The following AOAH variants were observed in gnomAD, a reference collection of about 807,000 sequenced individuals.
The protein encoded by AOAH is acyloxyacyl hydrolase (neutrophil).
A neutral mutation model predicts 92.2 loss-of-function variants in AOAH; 64 were observed. That is an observed-to-expected ratio of 0.69 (90% CI 0.57 to 0.86). The LOEUF (loss-of-function observed/expected upper bound fraction) is 0.86. Ranked by LOEUF, AOAH falls within the 40% of genes least tolerant of loss-of-function variation. The pLI, the probability that AOAH is intolerant of heterozygous loss-of-function variation, is 0.00. For missense variants in AOAH, 656 were observed against 694.6 expected (o/e 0.94, Z 0.62); for synonymous variants, 263 against 254.5 (o/e 1.03, Z -0.32).
At chr7:36,673,495 C>T (rs1796054449) in intron 3 of AOAH, among the ~76,000 whole-genome samples, 1 of 152,216 alleles carries the variant, frequency 6.6e-6, no homozygotes, top group Non-Finnish European at 1.5e-5. Context: ...CGAGATCACA[C>T]CACTGCCCTC....
At chr7:36,681,051 C>T (rs557388388) in intron 2 of AOAH, among the ~76,000 whole-genome samples, 2 of 152,186 alleles carry the variant, frequency 1.3e-5, no homozygotes, top group African/African-American at 4.8e-5. Flanking sequence ...TTTAGTCGGT[C>T]GTTCACCTTC....
intron 19 of AOAH, among the ~76,000 whole-genome samples, chr7:36,527,120 T>A (rs1784438205): frequency 6.6e-6 from 1 of 152,220 alleles, no homozygotes; most frequent in Non-Finnish European, 1.5e-5. Flanking sequence ...TGCCTCTGTT[T>A]AGTTCATAAC....
intron 19 of AOAH, among the ~76,000 whole-genome samples, chr7:36,526,629 G>C (rs1241778972): frequency 2.0e-5 from 3 of 152,208 alleles, no homozygotes; most frequent in Non-Finnish European, 2.9e-5. Context: ...TCTGGATTAA[G>C]TTTCTTGAAT....
At chr7:36,610,744 T>C (rs1026686066) in intron 11 of AOAH, among the ~76,000 whole-genome samples, 2 of 152,138 alleles carry the variant, frequency 1.3e-5, no homozygotes, top group African/African-American at 4.8e-5. Flanking sequence ...TTCCCCAATA[T>C]CTTGATTGTG....
chr7:36,640,927 G>A (rs1355995746), intron 4 of AOAH, among the ~76,000 whole-genome samples: 1 of 152,178 alleles, frequency 6.6e-6, no homozygotes, highest in Non-Finnish European at 1.5e-5. Context: ...AGGTGAGTAA[G>A]TCAGAGATTC....
At chr7:36,608,649 G>A (rs765067713) in intron 11 of AOAH, among the ~76,000 whole-genome samples, 1 of 152,192 alleles carries the variant, frequency 6.6e-6, no homozygotes. Context: ...TGGTCTGTTT[G>A]AGTCAATGTC....
chr7:36,646,130 G>T (rs1186856703), intron 4 of AOAH, among the ~76,000 whole-genome samples: 1 of 152,108 alleles, frequency 6.6e-6, no homozygotes, highest in African/African-American at 2.4e-5. Context: ...CACCATAGAG[G>T]TTCTTCTATG....
chr7:36,546,598 G>A (rs1221809572), intron 15 of AOAH, among the ~76,000 whole-genome samples: 2 of 152,344 alleles, frequency 1.3e-5, no homozygotes, highest in Middle Eastern at 3.4e-3. Flanking sequence ...GGACTGGGCT[G>A]GAGGGATCTG....
At chr7:36,673,499 T>A (rs1796054736) in intron 3 of AOAH, among the ~76,000 whole-genome samples, 1 of 152,144 alleles carries the variant, frequency 6.6e-6, no homozygotes, top group Non-Finnish European at 1.5e-5. Flanking sequence ...ATCACACCAC[T>A]GCCCTCCAGC....
At chr7:36,560,081 C>T (rs117706163) in intron 13 of AOAH, among the ~76,000 whole-genome samples, 2,561 of 152,224 alleles carry the variant, frequency 0.017, 56 homozygotes, top group Non-Finnish European at 0.028. Flanking sequence ...TGTTCTGTAC[C>T]ATTGGTCTGT....
chr7:36,649,149 A>G (rs746620081), intron 4 of AOAH, among the ~76,000 whole-genome samples: 3 of 152,188 alleles, frequency 2.0e-5, no homozygotes, highest in Non-Finnish European at 2.9e-5. Flanking sequence ...TTGAGCTTCA[A>G]GTTCAGGTGG....
intron 1 of AOAH, among the ~76,000 whole-genome samples, chr7:36,715,980 C>G (rs1450182649): frequency 6.6e-6 from 1 of 151,948 alleles, no homozygotes; most frequent in East Asian, 1.9e-4. Context: ...CAAATGGGAT[C>G]TAATTAAACT....
chr7:36,641,247 A>G (rs1793887009), intron 4 of AOAH, among the ~76,000 whole-genome samples: 1 of 152,202 alleles, frequency 6.6e-6, no homozygotes, highest in South Asian at 2.1e-4. Context: ...AGTGTGCCAG[A>G]TCATAATAAA....
At position 36,513,368 on chromosome 7, in the gene AOAH, A is replaced by G; in HGVS notation, c.1612T>C (p.Leu538=). 2 of 1,613,904 alleles carry G rather than the reference A, an allele frequency of 1.2e-6. No homozygotes were observed. Among genetic ancestry groups the G allele is most frequent in the African/African-American group, 1.3e-5 (1 of 75,032 alleles). The part of the protein sequence containing the change: ...GFHPNEVALL[L]LADHFWKKVQ... ...TTTTTCCAGAAATGATCCGCCAACAACAGCAAAGCCACCTGTGAGAGAGAA... is the reference window on the plus strand; with the variant it reads ...TTTTTCCAGAAATGATCCGCCAACAGCAGCAAAGCCACCTGTGAGAGAGAA... The change falls in exon 21 of 21, where the codon TTG becomes CTG. Residue 538 remains leucine, a synonymous_variant. Coordinates refer to ENST00000617537, the MANE Select transcript of AOAH (RefSeq NM_001637.4).
intron 15 of AOAH, among the ~76,000 whole-genome samples, chr7:36,543,624 G>A (rs1383328433): frequency 8.0e-6 from 1 of 124,628 alleles, no homozygotes; most frequent in African/African-American, 3.1e-5. Context: ...GCTAAACGAA[G>A]AATCTGAGCT....
chr7:36,520,765 A>G lies in AOAH; in HGVS notation c.1599+1274T>C, dbSNP rs541513252. Among the ~76,000 whole-genome samples, 3 of 152,244 alleles carry G rather than the reference A, an allele frequency of 2.0e-5. No individual in the cohort carries two copies. In the South Asian group the frequency reaches 6.2e-4, roughly 32 times the overall value. On this transcript the variant is annotated intron_variant, in intron 20 of 20. Coordinates refer to ENST00000617537, the MANE Select transcript of AOAH (RefSeq NM_001637.4). ...TATACACAAACTCTTCTAAAACCAA[A>G]GACATCATTTTTGGGGGATCAGACC...
intron 4 of AOAH, among the ~76,000 whole-genome samples, chr7:36,651,455 G>A (rs995792610): frequency 2.0e-5 from 3 of 152,112 alleles, no homozygotes; most frequent in Non-Finnish European, 4.4e-5. Flanking sequence ...CCGGCTGTGG[G>A]GATGGTACAT....
chr7:36,674,037 T>C (rs893042818), intron 2 of AOAH, 28 bp from the exon 3 acceptor site: 4 of 1,392,908 alleles, frequency 2.9e-6, no homozygotes, highest in Non-Finnish European at 2.0e-6. Flanking sequence ...GGAAATTGAA[T>C]ATATTTTTAT....
At chr7:36,690,977 A>C (rs1797361979) in intron 1 of AOAH, among the ~76,000 whole-genome samples, 2 of 152,190 alleles carry the variant, frequency 1.3e-5, no homozygotes, top group Non-Finnish European at 2.9e-5. Flanking sequence ...CCAACTGCAG[A>C]GAGTGGTCTA....
Sources: gnomAD v4.1 joint callset for allele counts (sites outside exome capture counted in the v4.1 genomes callset) on GRCh38, gnomAD v4.1.1 for gene constraint, MANE v1.5 for transcripts, NCBI Gene and HGNC (gene_info 2026-07-23, HGNC 2026-07-21) for gene names.